Variants in TPGS1 observed in about 807,000 individuals in gnomAD.
TPGS1 encodes gene trap ROSA b-geo 22.
In TPGS1, 18 loss-of-function variants were observed where a neutral mutation model predicts 11.9. The ratio of observed to expected loss-of-function variants is 1.51; its 90% CI spans 1.04 to 2.24. TPGS1 has a LOEUF of 2.24. Among genes scored for constraint, TPGS1 ranks in the 30% most tolerant of loss-of-function variants. TPGS1 has a pLI of 0.00. For synonymous variants in TPGS1, 247 were observed against 218.2 expected, an observed-to-expected ratio of 1.13 and a Z score of -1.16; for missense variants, 500 against 443.0, an observed-to-expected ratio of 1.13 and a Z score of -1.16.
rs1390736491 is a variant in TPGS1 at position 519,440 on chromosome 19, G to T, written c.*17G>T. 2 of 1,203,422 alleles carry T rather than the reference G, an allele frequency of 1.7e-6. No homozygotes were observed. Among genetic ancestry groups the T allele is most frequent in the South Asian group, 3.7e-5 (1 of 26,708 alleles). The allele number at this position is 1,203,422 out of a possible 1,614,324, so 74.5% of individuals were successfully genotyped here. A position where few individuals can be genotyped will look rare whatever the true frequency, so the allele number is the denominator to read the frequency against. Reference sequence around the variant, plus strand: ...GTGGGCTGAGGCCCGTGGGCCGCGCGGATCCGGGATCTGCGCTGGGGGGTC... The same window carrying T: ...GTGGGCTGAGGCCCGTGGGCCGCGCTGATCCGGGATCTGCGCTGGGGGGTC... On this transcript the variant is annotated 3_prime_UTR_variant, in exon 2 of 2. Coordinates refer to ENST00000359315, the MANE Select transcript of TPGS1 (RefSeq NM_033513.3).
intron 1 of TPGS1, among the ~76,000 whole-genome samples, chr19:514,980 G>A (rs1224253721): frequency 6.6e-6 from 1 of 152,192 alleles, no homozygotes. Flanking sequence ...CTGGGGCAGG[G>A]AATCGAACCC....
intron 1 of TPGS1, among the ~76,000 whole-genome samples, chr19:512,658 T>G (rs1161163429): frequency 2.6e-5 from 4 of 151,842 alleles, no homozygotes; most frequent in African/African-American, 4.8e-5. Context: ...GGTGGAGAAG[T>G]GGCGGAGGGA....
chr19:512,983 C>T (rs1429271123), intron 1 of TPGS1, among the ~76,000 whole-genome samples: 1 of 152,218 alleles, frequency 6.6e-6, no homozygotes, highest in Non-Finnish European at 1.5e-5. Context: ...TCGCGTCGAG[C>T]CCCGGGGGAG....
At chr19:510,330 G>GC (rs1464851087) in intron 1 of TPGS1, 1 of 151,682 alleles carries the variant, frequency 6.6e-6, no homozygotes, top group Non-Finnish European at 1.5e-5. Context: ...CCGAGATCGC[G>GC]CCACTGCACT....
At chr19:508,025 G>A (rs1273891496) in intron 1 of TPGS1, 181 bp downstream of exon 1, 5 of 458,636 alleles carry the variant, frequency 1.1e-5, no homozygotes, top group Non-Finnish European at 1.8e-5. Context: ...TCCGGGCTTC[G>A]GTCCGGCGCT....
Position 507,771 on chromosome 19 carries a change from G to A in TPGS1, c.265G>A (p.Gly89Ser), listed in dbSNP as rs1266947558. 8 of 1,394,012 alleles carry A rather than the reference G, an allele frequency of 5.7e-6. No homozygotes were observed. The highest frequency in any genetic ancestry group is 6.5e-6 in the Non-Finnish European group (7 of 1,076,484). 86.4% of individuals were successfully genotyped at this position (1,394,012 alleles called of 1,614,324 possible). Residue 89 changes from glycine to serine, a missense_variant, in exon 1 of 2, where the codon GGC (glycine) becomes AGC (serine). By Grantham distance (56) the Gly-to-Ser change is moderately conservative. Transcript: ENST00000359315. ...AAACGGCGGCGCCGGGGAGCCCCCG[G>A]GCCAGCTCCTGCTGCAGCAGCAGCG... Reference protein sequence around the residue: ...PVNGGAGEPPGQLLLQQQRLG... With the variant: ...PVNGGAGEPPSQLLLQQQRLG...
At chr19:513,987 C>T (rs1241568852) in intron 1 of TPGS1, among the ~76,000 whole-genome samples, 1 of 151,720 alleles carries the variant, frequency 6.6e-6, no homozygotes, top group Non-Finnish European at 1.5e-5. Flanking sequence ...TTACTGAGCA[C>T]CTATTGCATG....
chr19:511,841 C>T (rs912352456), intron 1 of TPGS1, among the ~76,000 whole-genome samples: 1 of 152,180 alleles, frequency 6.6e-6, no homozygotes, highest in Non-Finnish European at 1.5e-5. Flanking sequence ...CAAAACTCTT[C>T]TCGCTTACTC....
chr19:513,050 C>T (rs1429629871), intron 1 of TPGS1, among the ~76,000 whole-genome samples: 2 of 152,220 alleles, frequency 1.3e-5, no homozygotes, highest in African/African-American at 4.8e-5. Flanking sequence ...GCAAAGCCGC[C>T]GCCGAGACGC....
intron 1 of TPGS1, among the ~76,000 whole-genome samples, chr19:517,284 G>C (rs1978980689): frequency 6.9e-6 from 1 of 144,376 alleles, no homozygotes. Context: ...GGGGAAGGCA[G>C]TGTCACGGCC....
At chr19:510,474 G>A (rs1277404638) in intron 1 of TPGS1, 1 of 152,134 alleles carries the variant, frequency 6.6e-6, no homozygotes, top group Non-Finnish European at 1.5e-5. Flanking sequence ...CTGCTCCTGA[G>A]AGCATCACCG....
intron 1 of TPGS1, among the ~76,000 whole-genome samples, chr19:513,697 C>T (rs75796563): frequency 0.19 from 15,303 of 80,852 alleles, 2,529 homozygotes; most frequent in African/African-American, 0.35. Context: ...TACTGCACAC[C>T]AGCCCAGCAT....
At chr19:508,112 T>G in intron 1 of TPGS1, 4 of 357,520 alleles carry the variant, frequency 1.1e-5, no homozygotes, top group Non-Finnish European at 2.0e-5. Context: ...GGTGCTGAGT[T>G]TCCCCTTGCA....
rs773410167 is a variant in TPGS1, at chr19:507,680, G to A, written c.174G>A (p.Ala58=). Residue 58 remains alanine (A), a synonymous_variant, in exon 1 of 2, where the codon GCG becomes GCA. Coordinates refer to ENST00000359315, the MANE Select transcript of TPGS1 (RefSeq NM_033513.3). ...CGGCCCTGCTGAAGGTGCTGGAGGC[G>A]CGGCCCGAGGAGCCGATCGCCTTCC... is the stretch of plus-strand genomic sequence containing the variant. ...LRAALLKVLE[A]RPEEPIAFLA... The A allele has an allele frequency of 1.7e-5, 23 of 1,379,850 alleles. No homozygotes were observed. The highest frequency in any genetic ancestry group is 6.5e-5 in the South Asian group (4 of 61,834). The allele number at this position is 1,379,850 out of a possible 1,614,324, so 85.5% of individuals were successfully genotyped here. A position where few individuals can be genotyped will look rare whatever the true frequency, so the allele number is the denominator to read the frequency against.
chr19:507,908 C>A, intron 1 of TPGS1, 64 bp downstream of exon 1: 1 of 1,226,506 alleles, frequency 8.2e-7, no homozygotes, highest in Non-Finnish European at 1.0e-6. Flanking sequence ...GCATGCCGCG[C>A]GCGGCTCCCT....
chr19:508,455 G>A (rs1176385388), intron 1 of TPGS1: 2 of 152,324 alleles, frequency 1.3e-5, no homozygotes, highest in East Asian at 3.9e-4. Context: ...AGCATGCGAG[G>A]CTGCAGGTGC....
rs555262823 is a variant in TPGS1 at position 512,878 on chromosome 19, C to T, written c.338+5034C>T. 2.4e-3 allele frequency among the ~76,000 whole-genome samples: 359 copies of T among 152,346 alleles called. 1 individual carries two copies. The highest frequency in any genetic ancestry group is 8.3e-3 in the African/African-American group (347 of 41,588). Reference sequence around the variant, plus strand: ...GTGGGTTGCTGGCTCGGCTGGGCAGCCGCCATGCGGTGGGGTCGCTCGCGC... The same window carrying T: ...GTGGGTTGCTGGCTCGGCTGGGCAGTCGCCATGCGGTGGGGTCGCTCGCGC... On this transcript the variant is annotated intron_variant, in intron 1 of 1. Transcript: ENST00000359315.
intron 1 of TPGS1, chr19:510,270 G>T (rs1431436606): frequency 6.6e-6 from 1 of 152,170 alleles, no homozygotes; most frequent in East Asian, 1.9e-4. Context: ...CTACTCGGGA[G>T]GCTGAGGCAG....
chr19:512,339 T>G (rs1978820891), intron 1 of TPGS1, among the ~76,000 whole-genome samples: 1 of 151,994 alleles, frequency 6.6e-6, no homozygotes, highest in Non-Finnish European at 1.5e-5. Flanking sequence ...GATTTTTAAA[T>G]TTTTGTAGAG....
Sources: allele counts gnomAD v4.1 joint callset (sites outside exome capture counted in the v4.1 genomes callset), GRCh38; gene constraint gnomAD v4.1.1; transcripts MANE v1.5; gene names NCBI Gene and HGNC (gene_info 2026-07-23, HGNC 2026-07-21).